SGCD: variants seen among roughly 807,000 people sequenced by gnomAD.
The protein encoded by SGCD is sarcoglycan delta, also known as delta-sarcoglycan.
Under a neutral mutation model 36.6 loss-of-function variants are expected in SGCD, and 18 were observed. The ratio of observed to expected loss-of-function variants is 0.49; its 90% CI spans 0.34 to 0.73. The LOEUF (loss-of-function observed/expected upper bound fraction) is 0.73, where lower values mean the gene tolerates loss of function less well. Ranked by LOEUF, SGCD falls within the 30% of genes least tolerant of loss-of-function variation. The probability of loss-of-function intolerance (pLI) is 0.01; values close to 1 mark genes in which losing one functional copy is unlikely to be tolerated. For missense variants in SGCD, 387 were observed against 346.7 expected (o/e 1.12, Z -0.92); for synonymous variants, 133 against 130.6 (o/e 1.02, Z -0.12).
the SGCD span, among the ~76,000 whole-genome samples, chr5:155,830,340 T>C: frequency 4.1e-5 from 4 of 98,440 alleles, no homozygotes; most frequent in Admixed American, 3.7e-4. Flanking sequence ...TATACACTCG[T>C]GGTGTCTCCT....
At chr5:156,746,910 C>A (rs58140367) in intron 7 of SGCD, among the ~76,000 whole-genome samples, 87 of 147,836 alleles carry the variant, frequency 5.9e-4, no homozygotes, top group African/African-American at 2.2e-3. Flanking sequence ...TTAAGAGACA[C>A]TGCTTAAAAA....
intron 3 of SGCD, among the ~76,000 whole-genome samples, chr5:156,364,369 A>T (rs1445113099): frequency 1.3e-5 from 2 of 148,712 alleles, no homozygotes; most frequent in East Asian, 3.9e-4. Context: ...TCAGGGCTAC[A>T]TTTTTTTTTT....
intron 3 of SGCD, among the ~76,000 whole-genome samples, chr5:156,430,892 T>C (rs1184605829): frequency 6.6e-6 from 1 of 152,166 alleles, no homozygotes; most frequent in Admixed American, 6.5e-5. Context: ...GCTTATCTCA[T>C]TCTCTCATGG....
chr5:156,734,064 G>A (rs1436334479), intron 7 of SGCD, among the ~76,000 whole-genome samples: 2 of 152,074 alleles, frequency 1.3e-5, no homozygotes, highest in South Asian at 2.1e-4. Flanking sequence ...TCCATATTTA[G>A]TGCTTCTTTC....
At chr5:156,068,860 T>C (rs1038467189) in intron 1 of SGCD, among the ~76,000 whole-genome samples, 2 of 152,042 alleles carry the variant, frequency 1.3e-5, no homozygotes, top group African/African-American at 4.8e-5. Flanking sequence ...GATTTGCATT[T>C]CTCTGATAGC....
chr5:156,230,842 T>C (rs1457039806), intron 3 of SGCD, among the ~76,000 whole-genome samples: 1 of 152,178 alleles, frequency 6.6e-6, no homozygotes, highest in East Asian at 1.9e-4. Context: ...TTAGTAACTG[T>C]TTAGTGGTCA....
At chr5:156,644,943 A>G (rs1231821475) in intron 6 of SGCD, among the ~76,000 whole-genome samples, 16 of 139,612 alleles carry the variant, frequency 1.1e-4, no homozygotes, top group African/African-American at 3.7e-4. Context: ...TTTTTTTTTT[A>G]CAAGTTTACT....
At chr5:156,209,450 G>C (rs111825289) in intron 3 of SGCD, among the ~76,000 whole-genome samples, 10 of 152,244 alleles carry the variant, frequency 6.6e-5, no homozygotes, top group African/African-American at 1.9e-4. Context: ...TCAGCACCAG[G>C]TCAGCACTCC....
In SGCD at chr5:155,998,674, C is replaced by T. The variant is rs114425658; in HGVS notation, c.-281-119204C>T. Reference sequence around the variant, plus strand: ...TGACTGCACCTTGCAGGGCTTCATGCAGGAAAATACGTGTGATGTATAAAC... The same window carrying T: ...TGACTGCACCTTGCAGGGCTTCATGTAGGAAAATACGTGTGATGTATAAAC... On this transcript the variant is annotated intron_variant, in intron 1 of 9. Coordinates refer to the SGCD transcript ENST00000517913. Among the ~76,000 whole-genome samples the T allele has an allele frequency of 3.7e-3, 564 of 152,240 alleles. 8 individuals carry two copies. Among genetic ancestry groups the T allele is most frequent in the African/African-American group, 0.013 (539 of 41,550 alleles).
intron 3 of SGCD, among the ~76,000 whole-genome samples, chr5:156,444,071 T>TCTCTCTCTCTCC (rs1753628306): frequency 1.6e-5 from 1 of 63,284 alleles, no homozygotes; most frequent in Non-Finnish European, 3.2e-5. Flanking sequence ...TCCTTCTCTC[T>TCTCTCTCTCTCC]CTCTCTCTCT....
rs757695921 is a variant in SGCD at position 156,669,361 on chromosome 5, G to A, written c.575+21825G>A. The stretch of plus-strand genomic sequence containing the variant: ...TTCTTGTCATCAGGAGGTCACATAA[G>A]CCCCCTCCCCTCTATCTTGATAATG... On this transcript the variant is annotated intron_variant, in intron 7 of 8. Transcript: ENST00000337851. 5.3e-5 allele frequency among the ~76,000 whole-genome samples: 8 copies of A among 152,060 alleles called. No individual in the cohort carries two copies. In the South Asian group the frequency reaches 1.2e-3, roughly 24 times the overall value.
chr5:156,007,772 A>C (rs1361751418), intron 1 of SGCD, among the ~76,000 whole-genome samples: 1 of 152,234 alleles, frequency 6.6e-6, no homozygotes, highest in East Asian at 1.9e-4. Context: ...TTATAAAACA[A>C]AAACAAACAA....
chr5:156,068,368 C>T (rs575318045), intron 1 of SGCD, among the ~76,000 whole-genome samples: 32 of 151,522 alleles, frequency 2.1e-4, no homozygotes, highest in South Asian at 4.2e-4. Flanking sequence ...TGAGAATATG[C>T]GGTGTTTGAT....
intron 3 of SGCD, among the ~76,000 whole-genome samples, chr5:156,186,570 TGAG>T (rs1271766222): frequency 6.6e-6 from 1 of 152,208 alleles, no homozygotes; most frequent in Non-Finnish European, 1.5e-5. Flanking sequence ...GTATTGCTCC[TGAG>T]GCATTCTCTG....
chr5:156,090,133 T>A (rs970674681), intron 1 of SGCD, among the ~76,000 whole-genome samples: 4 of 152,110 alleles, frequency 2.6e-5, no homozygotes, highest in African/African-American at 9.7e-5. Context: ...GGAGGGTGCA[T>A]GATGGAGGCC....
At position 156,757,598 on chromosome 5, in the gene SGCD, G is replaced by C. The variant is rs750459196; in HGVS notation, c.593G>C (p.Arg198Pro). 6.2e-7 allele frequency: 1 copy of C among 1,609,362 alleles called. No individual in the cohort carries two copies. The highest frequency in any genetic ancestry group is 1.1e-5 in the South Asian group (1 of 89,938). ...FKELRLESPT[R>P]SLVMEAPKGV... ...TTTTTCAGGTTGGAGTCCCCAACCCGGTCTCTAGTGATGGAGGCCCCAAAA... is the reference window on the plus strand; with the variant it reads ...TTTTTCAGGTTGGAGTCCCCAACCCCGTCTCTAGTGATGGAGGCCCCAAAA... The change falls in exon 8 of 9, where the codon CGG becomes CCG. Residue 198 changes from arginine (R) to proline (P), a missense_variant. Arg to Pro is a moderately radical substitution (Grantham distance 103, BLOSUM62 -2). Coordinates refer to ENST00000337851, the MANE Select transcript of SGCD (RefSeq NM_000337.6).
chr5:155,932,870 A>G (rs1477631502), intron 1 of SGCD, among the ~76,000 whole-genome samples: 1 of 152,172 alleles, frequency 6.6e-6, no homozygotes, highest in Non-Finnish European at 1.5e-5. Context: ...TAAGGTGACC[A>G]CCGTGAAAAG....
At chr5:155,847,390 T>C in the SGCD span, among the ~76,000 whole-genome samples, 1 of 152,300 alleles carries the variant, frequency 6.6e-6, no homozygotes, top group African/African-American at 2.4e-5. Context: ...TACTGTACTT[T>C]TCTTTTTGAC....
intron 1 of SGCD, among the ~76,000 whole-genome samples, chr5:155,971,041 T>C (rs1757998091): frequency 6.6e-6 from 1 of 152,142 alleles, no homozygotes. Flanking sequence ...AGCAAGGAGA[T>C]ACACCTGTTT....
Sources: gnomAD v4.1 joint callset for allele counts (sites outside exome capture counted in the v4.1 genomes callset) on GRCh38, gnomAD v4.1.1 for gene constraint, MANE v1.5 for transcripts, NCBI Gene and HGNC (gene_info 2026-07-23, HGNC 2026-07-21) for gene names.